The following PTCHD4 variants were observed in gnomAD, a reference collection of about 807,000 sequenced individuals.
PTCHD4 encodes patched domain-containing protein 4.
PTCHD4 carries 33 observed loss-of-function variants against 58.1 expected under a neutral mutation model. The observed-to-expected ratio is 0.57, with a 90% confidence interval of 0.43 to 0.76. The LOEUF (loss-of-function observed/expected upper bound fraction) is 0.76. PTCHD4 is among the 30% of genes least tolerant of loss of function. The pLI is 0.00. For synonymous variants in PTCHD4, 478 were observed against 409.6 expected, an observed-to-expected ratio of 1.17 and a Z score of -2.02; for missense variants, 1,058 against 1,027.1, an observed-to-expected ratio of 1.03 and a Z score of -0.41.
In PTCHD4 at chr6:48,009,070, C is replaced by G. The variant is rs777988972; in HGVS notation, c.462G>C (p.Val154=). 5 of 1,613,606 alleles carry G rather than the reference C, an allele frequency of 3.1e-6. No individual in the cohort carries two copies. The highest frequency in any genetic ancestry group is 4.2e-6 in the Non-Finnish European group (5 of 1,179,786). ...SFIGHQLGGV[V]EVPNSKDQRV... ...GCTGATCTTTGCTGTTTGGCACTTCCACTACCCCGCCCAGTTGGTGTCCAA... is the reference window on the plus strand; with the variant it reads ...GCTGATCTTTGCTGTTTGGCACTTCGACTACCCCGCCCAGTTGGTGTCCAA... Residue 154 remains valine (V), a synonymous_variant, in exon 4 of 5, where the codon GTG becomes GTC. Coordinates refer to ENST00000339488, the MANE Select transcript of PTCHD4 (RefSeq NM_001384253.1).
In PTCHD4 at chr6:48,085,167, G is replaced by T. The variant is rs1448028640; in HGVS notation, c.-969-15241C>A. Among the ~76,000 whole-genome samples the T allele has an allele frequency of 2.6e-5, 4 of 152,176 alleles. No homozygotes were observed. In the South Asian group the frequency reaches 8.3e-4, roughly 32 times the overall value. On this transcript the variant is annotated intron_variant, in intron 1 of 4. Transcript: ENST00000339488. ...TGGTATGGTTCAATAGCACACAATG[G>T]ATTCAAATATTTTCTGCAAAGTACC...
intron 4 of PTCHD4, among the ~76,000 whole-genome samples, chr6:47,914,187 T>C (rs972193941): frequency 6.6e-6 from 1 of 152,124 alleles, no homozygotes; most frequent in Non-Finnish European, 1.5e-5. Context: ...ACCAGTATGT[T>C]TTGTGTTTGT....
chr6:48,092,383 AT>A (rs552894767), intron 1 of PTCHD4, among the ~76,000 whole-genome samples: 9 of 152,172 alleles, frequency 5.9e-5, no homozygotes, highest in Non-Finnish European at 1.2e-4. Flanking sequence ...ACATTGAAGC[AT>A]TTTGTCAATA....
chr6:47,942,620 G>C (rs1377477093), intron 4 of PTCHD4, among the ~76,000 whole-genome samples: 1 of 152,198 alleles, frequency 6.6e-6, no homozygotes, highest in Non-Finnish European at 1.5e-5. Flanking sequence ...TTCAGTGACA[G>C]AGCAAGACCC....
intron 3 of PTCHD4, among the ~76,000 whole-genome samples, chr6:48,022,329 A>G (rs1763099760): frequency 6.6e-6 from 1 of 151,912 alleles, no homozygotes; most frequent in South Asian, 2.1e-4. Flanking sequence ...TTATGTCAGT[A>G]AAATACTAGA....
chr6:48,006,813 A>C (rs76803193), intron 4 of PTCHD4, among the ~76,000 whole-genome samples: 1 of 152,250 alleles, frequency 6.6e-6, no homozygotes, highest in African/African-American at 2.4e-5. Context: ...AAATAGTAAA[A>C]CTTGCTGATA....
In PTCHD4 at chr6:48,014,341, G is replaced by T. The variant is rs539146399; in HGVS notation, c.418-5227C>A. ...AGTTTATTCGCTTCCAAACTCACCA[G>T]CTCACAGATGCTTCTATGTAGGAAA... is the stretch of plus-strand genomic sequence containing the variant. On this transcript the variant is annotated intron_variant, in intron 3 of 4. Coordinates refer to ENST00000339488, the MANE Select transcript of PTCHD4 (RefSeq NM_001384253.1). Among the ~76,000 whole-genome samples the T allele has an allele frequency of 3.9e-5, 6 of 152,206 alleles. No individual in the cohort carries two copies. In the South Asian group the frequency reaches 1.2e-3, roughly 32 times the overall value.
At chr6:48,064,214 AT>A (rs1385964044) in intron 3 of PTCHD4, among the ~76,000 whole-genome samples, 2 of 152,162 alleles carry the variant, frequency 1.3e-5, no homozygotes, top group African/African-American at 4.8e-5. Context: ...GAAGGACTAC[AT>A]TTGTCTGCTT....
Position 47,872,305 on chromosome 6 carries a change from C to T in PTCHD4, c.*5998G>A, listed in dbSNP as rs1763734697. Among the ~76,000 whole-genome samples the T allele has an allele frequency of 6.6e-6, 1 of 151,712 alleles. No individual in the cohort carries two copies. The highest frequency in any genetic ancestry group is 6.6e-5 in the Admixed American group (1 of 15,192). ...GTTATTCCTAGGAAATTCTTCAATG[C>T]AGTCTTCCAAAGCATTAGAATTTTT... On this transcript the variant is annotated 3_prime_UTR_variant, in exon 5 of 5. Transcript: ENST00000339488.
chr6:47,907,481 A>G (rs957209488), intron 4 of PTCHD4, among the ~76,000 whole-genome samples: 1 of 152,214 alleles, frequency 6.6e-6, no homozygotes, highest in African/African-American at 2.4e-5. Flanking sequence ...GAGAATAGAT[A>G]GACTGACTAA....
chr6:48,076,629 G>T (rs1472058242), intron 1 of PTCHD4, among the ~76,000 whole-genome samples: 3 of 152,194 alleles, frequency 2.0e-5, no homozygotes, highest in Admixed American at 2.0e-4. Context: ...ATCAGAGCTG[G>T]TGGGTAACCA....
chr6:48,010,719 G>A (rs536410880), intron 3 of PTCHD4, among the ~76,000 whole-genome samples: 1 of 152,120 alleles, frequency 6.6e-6, no homozygotes, highest in South Asian at 2.1e-4. Context: ...ACTACATTAG[G>A]TATTTCTCCT....
rs1887899 is a variant in PTCHD4 at position 47,878,077 on chromosome 6, G to T, written c.*226C>A. 0.68 allele frequency: 279,842 copies of T among 409,238 alleles called. 97,263 individuals carry two copies. Among genetic ancestry groups the T allele is most frequent in the East Asian group, 0.79 (21,067 of 26,552 alleles). The allele number at this position is 409,238 out of a possible 1,614,324, so 25.4% of individuals were successfully genotyped here. A position where few individuals can be genotyped will look rare whatever the true frequency, so the allele number is the denominator to read the frequency against. On this transcript the variant is annotated 3_prime_UTR_variant, in exon 5 of 5. Coordinates refer to ENST00000339488, the MANE Select transcript of PTCHD4 (RefSeq NM_001384253.1). Reference sequence around the variant, plus strand: ...TGGAAGAGCTCTCAGATTACATCCAGAAACTTGTTTTTAGAGGAGAACAAG... The same window carrying T: ...TGGAAGAGCTCTCAGATTACATCCATAAACTTGTTTTTAGAGGAGAACAAG...
intron 1 of PTCHD4, among the ~76,000 whole-genome samples, chr6:48,096,039 T>C (rs1170708276): frequency 2.0e-5 from 3 of 152,192 alleles, no homozygotes; most frequent in Non-Finnish European, 2.9e-5. Context: ...GAATAGGATA[T>C]GGTCTCTTCT....
chr6:48,037,850 A>G lies in PTCHD4; in HGVS notation c.418-28736T>C, dbSNP rs368933922. On this transcript the variant is annotated intron_variant, in intron 3 of 4. Coordinates refer to ENST00000339488, the MANE Select transcript of PTCHD4 (RefSeq NM_001384253.1). ...TGATTTAAAAGACCTTCACGAATCC[A>G]TAAGAATAGTGTTCAGAAGGCTAAC... Among the ~76,000 whole-genome samples the G allele has an allele frequency of 1.2e-3, 188 of 152,056 alleles. 4 individuals carry two copies. The South Asian group carries it at 0.038, about 30-fold the overall frequency.
intron 4 of PTCHD4, among the ~76,000 whole-genome samples, chr6:47,940,751 T>A (rs989702910): frequency 6.6e-6 from 1 of 152,162 alleles, no homozygotes; most frequent in Non-Finnish European, 1.5e-5. Context: ...CCAATTTAGA[T>A]GTTTCCATTT....
intron 4 of PTCHD4, among the ~76,000 whole-genome samples, chr6:47,968,995 A>G (rs1767402452): frequency 6.6e-6 from 1 of 152,220 alleles, no homozygotes; most frequent in South Asian, 2.1e-4. Context: ...TAGTAAAAAT[A>G]CAGTTTCTGA....
intron 3 of PTCHD4, among the ~76,000 whole-genome samples, chr6:48,011,041 G>A (rs796186306): frequency 6.6e-5 from 10 of 152,222 alleles, no homozygotes; most frequent in African/African-American, 1.9e-4. Flanking sequence ...ATAAACGTAC[G>A]TGTGCATGTG....
intron 1 of PTCHD4, among the ~76,000 whole-genome samples, chr6:48,104,061 G>T (rs1202402841): frequency 6.6e-6 from 1 of 152,190 alleles, no homozygotes; most frequent in East Asian, 1.9e-4. Context: ...CCCCAATCTA[G>T]CAAGGCAGGC....
Sources: allele counts gnomAD v4.1 joint callset (sites outside exome capture counted in the v4.1 genomes callset), GRCh38; gene constraint gnomAD v4.1.1; transcripts MANE v1.5; gene names NCBI Gene and HGNC (gene_info 2026-07-23, HGNC 2026-07-21).